The following TBC1D1 variants were observed in gnomAD, a reference collection of about 807,000 sequenced individuals.
The protein encoded by TBC1D1 is TBC1 (tre-2/USP6, BUB2, cdc16) domain family, member 1.
A neutral mutation model predicts 125.6 loss-of-function variants in TBC1D1; 89 were observed. The observed-to-expected ratio is 0.71, with a 90% confidence interval of 0.60 to 0.85. The LOEUF is 0.85. Among genes scored for constraint, TBC1D1 ranks in the 40% least tolerant of loss-of-function variants. The pLI is 0.00. For synonymous variants in TBC1D1, 565 were observed against 564.1 expected (o/e 1.00, Z -0.02); for missense variants, 1,377 against 1,469.2 (o/e 0.94, Z 1.03).
At chr4:37,963,319 C>T (rs1259799516) in intron 2 of TBC1D1, among the ~76,000 whole-genome samples, 4 of 151,664 alleles carry the variant, frequency 2.6e-5, no homozygotes, top group Non-Finnish European at 4.4e-5. Flanking sequence ...CCTCACAAAG[C>T]TTCCAGTCAT....
chr4:38,069,535 G>C (rs762449443), intron 12 of TBC1D1, among the ~76,000 whole-genome samples: 7 of 152,184 alleles, frequency 4.6e-5, no homozygotes, highest in Non-Finnish European at 1.0e-4. Flanking sequence ...AACCAAGGCT[G>C]TCTCTCTGGA....
intron 2 of TBC1D1, among the ~76,000 whole-genome samples, chr4:37,994,965 A>G (rs1737467726): frequency 6.6e-6 from 1 of 151,888 alleles, no homozygotes. Flanking sequence ...TTTGCAACTT[A>G]CGTACTTAAC....
rs1048304943 is a variant in TBC1D1, at chr4:37,946,357, A to T, written c.417+43845A>T. 7.2e-5 allele frequency among the ~76,000 whole-genome samples: 11 copies of T among 152,344 alleles called. 1 individual carries two copies. The highest frequency in any genetic ancestry group is 1.9e-4 in the African/African-American group (8 of 41,580). The stretch of plus-strand genomic sequence containing the variant: ...TGCATGCTCCCAACACAAAGAAATG[A>T]TAAATGTTTGAGGTGATGGATTTGC... On this transcript the variant is annotated intron_variant, in intron 2 of 19. Transcript: ENST00000261439.
intron 6 of TBC1D1, among the ~76,000 whole-genome samples, chr4:38,023,578 T>C (rs1194708387): frequency 1.3e-5 from 2 of 152,240 alleles, no homozygotes; most frequent in East Asian, 1.9e-4. Context: ...TATCTTCTTG[T>C]TTCTGGTTTA....
At chr4:37,928,893 A>G (rs1426914310) in intron 2 of TBC1D1, among the ~76,000 whole-genome samples, 3 of 152,244 alleles carry the variant, frequency 2.0e-5, no homozygotes, top group Non-Finnish European at 2.9e-5. Flanking sequence ...TTGAAATCCA[A>G]GGTCATATGA....
chr4:38,104,991 G>A (rs888917823), intron 15 of TBC1D1, among the ~76,000 whole-genome samples: 23 of 152,120 alleles, frequency 1.5e-4, no homozygotes, highest in East Asian at 5.8e-4. Flanking sequence ...TCCTGACCTC[G>A]TGATCCTCCC....
At chr4:38,096,427 G>A (rs1347458357) in intron 14 of TBC1D1, among the ~76,000 whole-genome samples, 13 of 152,186 alleles carry the variant, frequency 8.5e-5, no homozygotes, top group Non-Finnish European at 1.8e-4. Context: ...GGTACTCTAG[G>A]GAGACAACAT....
intron 8 of TBC1D1, among the ~76,000 whole-genome samples, chr4:38,042,514 C>G (rs1191629342): frequency 6.6e-6 from 1 of 152,088 alleles, no homozygotes; most frequent in African/African-American, 2.4e-5. Context: ...CTCAGCCTCC[C>G]AAAGTTCTGG....
At chr4:38,096,136 T>A in intron 14 of TBC1D1, 46 bp downstream of exon 16, 1 of 1,527,292 alleles carries the variant, frequency 6.5e-7, no homozygotes, top group Non-Finnish European at 8.9e-7. Context: ...CCCTCATTGG[T>A]GATTGGGGAG....
intron 2 of TBC1D1, among the ~76,000 whole-genome samples, chr4:37,945,220 A>G (rs1028185737): frequency 6.6e-6 from 1 of 152,032 alleles, no homozygotes; most frequent in Non-Finnish European, 1.5e-5. Context: ...ACCTCTCAAG[A>G]GCCTACAGGT....
At chr4:38,129,861 C>G (rs1281997118) in intron 18 of TBC1D1, among the ~76,000 whole-genome samples, 1 of 152,024 alleles carries the variant, frequency 6.6e-6, no homozygotes. Flanking sequence ...TGCCAGTACC[C>G]AGCACCAAGG....
At chr4:38,085,049 G>A (rs1275814478) in intron 12 of TBC1D1, among the ~76,000 whole-genome samples, 1 of 152,144 alleles carries the variant, frequency 6.6e-6, no homozygotes, top group Admixed American at 6.5e-5. Context: ...TGTCTTTCTC[G>A]ATCATGGCAT....
chr4:37,899,018 G>C (rs1715246186), intron 1 of TBC1D1, among the ~76,000 whole-genome samples: 1 of 152,208 alleles, frequency 6.6e-6, no homozygotes, highest in African/African-American at 2.4e-5. Flanking sequence ...GAAGACTTCA[G>C]ATTGTATGGG....
intron 2 of TBC1D1, among the ~76,000 whole-genome samples, chr4:37,972,044 T>A (rs1732133809): frequency 6.6e-6 from 1 of 152,184 alleles, no homozygotes; most frequent in African/African-American, 2.4e-5. Context: ...CTACTCTCTC[T>A]CTCACTTGGC....
chr4:38,073,109 TC>T (rs780898589), intron 12 of TBC1D1, among the ~76,000 whole-genome samples: 73 of 152,354 alleles, frequency 4.8e-4, no homozygotes, highest in South Asian at 1.0e-3. Flanking sequence ...CTCTTCAAGA[TC>T]CTGCTTTCAG....
intron 1 of TBC1D1, among the ~76,000 whole-genome samples, chr4:37,898,628 C>T (rs1715145970): frequency 6.6e-6 from 1 of 152,156 alleles, no homozygotes; most frequent in East Asian, 1.9e-4. Flanking sequence ...TGTCACCTGA[C>T]CTGTGGGAAT....
chr4:38,049,728 G>C lies in TBC1D1; in HGVS notation c.1740G>C (p.Glu580Asp), dbSNP rs767528858. 1 of 1,614,162 alleles carries C rather than the reference G, an allele frequency of 6.2e-7. No individual in the cohort carries two copies. The highest frequency in any genetic ancestry group is 1.7e-5 in the Admixed American group (1 of 60,026). ...ACTCGGAGAGTCATCTCCCAGAAGA[G>C]CCAGCTCCGCTGTCGCCCCAGCAGG... The change falls in exon 11 of 20, where the codon GAG becomes GAC. Residue 580 changes from glutamate (E) to aspartate (D), a missense_variant. Transcript: ENST00000261439.
chr4:37,898,290 C>T (rs1715072403), intron 1 of TBC1D1, among the ~76,000 whole-genome samples: 1 of 152,066 alleles, frequency 6.6e-6, no homozygotes, highest in Non-Finnish European at 1.5e-5. Context: ...CTGATACATG[C>T]CCTAAAACAC....
intron 2 of TBC1D1, among the ~76,000 whole-genome samples, chr4:37,979,421 T>C (rs928570121): frequency 2.0e-5 from 3 of 152,232 alleles, no homozygotes; most frequent in Non-Finnish European, 2.9e-5. Context: ...CTTGGAGTTA[T>C]AGATTGTAAG....
Sources: gnomAD v4.1 joint callset for allele counts (sites outside exome capture counted in the v4.1 genomes callset) on GRCh38, gnomAD v4.1.1 for gene constraint, MANE v1.5 for transcripts, NCBI Gene and HGNC (gene_info 2026-07-23, HGNC 2026-07-21) for gene names.